The following PIN4 variants were observed in gnomAD, a reference collection of about 807,000 sequenced individuals.
PIN4 encodes peptidyl-prolyl cis-trans isomerase NIMA-interacting 4.
A neutral mutation model predicts 8.3 loss-of-function variants in PIN4; 3 were observed. The ratio of observed to expected loss-of-function variants is 0.36; its 90% CI spans 0.16 to 0.93. PIN4 has a LOEUF of 0.93. PIN4 is among the 40% of genes least tolerant of loss of function. The pLI is 0.44. For synonymous variants in PIN4, 18 were observed against 32.5 expected, an observed-to-expected ratio of 0.55 and a Z score of 1.52; for missense variants, 75 against 100.6, an observed-to-expected ratio of 0.75 and a Z score of 1.09.
chrX:72,181,705 T>G (rs2042672814), upstream of PIN4: 1 of 999,392 alleles, frequency 1.0e-6, no homozygotes, highest in Non-Finnish European at 1.4e-6. Flanking sequence ...GGCATTTGTT[T>G]AGGACATGCC....
At chrX:72,215,812 C>T (rs2147590643) in intron 3 of PIN4, among the ~76,000 whole-genome samples, 1 of 111,033 alleles carries the variant, frequency 9.0e-6, no homozygotes, top group South Asian at 3.9e-4. Context: ...CTGATAACTA[C>T]ATCCCTCCTG....
intron 3 of PIN4, among the ~76,000 whole-genome samples, chrX:72,241,439 G>A (rs1011891415): frequency 1.6e-4 from 18 of 111,867 alleles, no homozygotes; most frequent in African/African-American, 5.8e-4. Flanking sequence ...GCAGAGAGCA[G>A]CCCTCACCAG....
At chrX:72,230,242 A>G (rs773103614) in intron 3 of PIN4, among the ~76,000 whole-genome samples, 30 of 110,913 alleles carry the variant, frequency 2.7e-4, no homozygotes, top group African/African-American at 9.8e-4. Flanking sequence ...ACCTCATCAT[A>G]TCCCACAATT....
intron 3 of PIN4, among the ~76,000 whole-genome samples, chrX:72,252,599 A>AT (rs1368224628): frequency 8.9e-6 from 1 of 112,042 alleles, no homozygotes; most frequent in Non-Finnish European, 1.9e-5. Context: ...CATGTTGGCC[A>AT]GGCTGGTCTC....
At chrX:72,229,235 C>T (rs1837983947) in intron 3 of PIN4, among the ~76,000 whole-genome samples, 1 of 111,270 alleles carries the variant, frequency 9.0e-6, no homozygotes, top group Non-Finnish European at 1.9e-5. Context: ...ACCGTACTAT[C>T]ATTATTAAAC....
chrX:72,252,147 TA>T (rs530501485), intron 3 of PIN4, among the ~76,000 whole-genome samples: 1 of 110,193 alleles, frequency 9.1e-6, no homozygotes, highest in Non-Finnish European at 1.9e-5. Flanking sequence ...TTCTTTTTAA[TA>T]AAAAAAATTT....
At chrX:72,218,909 C>T (rs1446207842) in intron 3 of PIN4, among the ~76,000 whole-genome samples, 3 of 112,685 alleles carry the variant, frequency 2.7e-5, no homozygotes, top group East Asian at 5.5e-4. Context: ...CTAAGTGTTG[C>T]ACCTCCTCGT....
At chrX:72,209,605 C>T (rs1602438342) in intron 3 of PIN4, among the ~76,000 whole-genome samples, 1 of 111,351 alleles carries the variant, frequency 9.0e-6, no homozygotes, top group East Asian at 2.9e-4. Context: ...AAGTTATAAC[C>T]ACCTTCTTTC....
At chrX:72,234,161 A>G (rs1280132483) in intron 3 of PIN4, among the ~76,000 whole-genome samples, 1 of 112,118 alleles carries the variant, frequency 8.9e-6, no homozygotes, top group Non-Finnish European at 1.9e-5. Context: ...TAAGTATTTC[A>G]GCGTGAAATG....
At chrX:72,236,177 G>T (rs1238083226) in intron 3 of PIN4, among the ~76,000 whole-genome samples, 3 of 112,193 alleles carry the variant, frequency 2.7e-5, no homozygotes, top group East Asian at 5.6e-4. Context: ...GATTCTGCTG[G>T]GCATGGTGGC....
intron 3 of PIN4, among the ~76,000 whole-genome samples, chrX:72,240,185 AAAG>A (rs1163602200): frequency 2.7e-5 from 3 of 112,228 alleles, no homozygotes; most frequent in South Asian, 7.3e-4. Context: ...ATTTAAAAAA[AAAG>A]AAGTAGTGCT....
At chrX:72,263,091 G>A (rs1602465244) in exon 4 of PIN4, 2 of 208,747 alleles carry the variant, frequency 9.6e-6, no homozygotes, top group Admixed American at 1.3e-4. Flanking sequence ...GGGATAGAGT[G>A]GTGAACAAGA....
intron 3 of PIN4, among the ~76,000 whole-genome samples, chrX:72,230,614 A>G (rs1186032786): frequency 8.9e-6 from 1 of 112,063 alleles, no homozygotes. Flanking sequence ...AAGTGTTGGC[A>G]AGGATGTGGA....
chrX:72,185,076 G>A (rs2042692883), intron 1 of PIN4, among the ~76,000 whole-genome samples: 2 of 98,327 alleles, frequency 2.0e-5, no homozygotes, highest in African/African-American at 7.3e-5. Flanking sequence ...CCCGGGAGGC[G>A]GAGCTTGCAG....
downstream of PIN4, among the ~76,000 whole-genome samples, chrX:72,199,931 C>T (rs896047574): frequency 7.2e-5 from 8 of 111,678 alleles, no homozygotes; most frequent in Admixed American, 9.5e-5. Flanking sequence ...TTTGGGAGGC[C>T]GAGGTGGGTG....
chrX:72,209,315 T>A (rs2042838927), intron 3 of PIN4, among the ~76,000 whole-genome samples: 1 of 111,941 alleles, frequency 8.9e-6, no homozygotes, highest in Non-Finnish European at 1.9e-5. Flanking sequence ...CCTAGAGCTG[T>A]CCCTCAAGCT....
chrX:72,197,053 C>T (rs959409333), intron 3 of PIN4, 149 bp downstream of exon 3: 11 of 562,576 alleles, frequency 2.0e-5, no homozygotes, highest in African/African-American at 4.7e-5. Flanking sequence ...TTGGTTGTAG[C>T]GATATTTTGG....
chrX:72,257,189 C>T (rs183636140), intron 3 of PIN4, among the ~76,000 whole-genome samples: 189 of 111,496 alleles, frequency 1.7e-3, no homozygotes, highest in African/African-American at 5.9e-3. Flanking sequence ...GGCGTGGTGG[C>T]ATGTGCCTGT....
At chrX:72,190,426 A>G (rs1022207336) in intron 2 of PIN4, among the ~76,000 whole-genome samples, 1 of 111,574 alleles carries the variant, frequency 9.0e-6, no homozygotes, top group African/African-American at 3.3e-5. Flanking sequence ...TTATTGCATT[A>G]CCTTGAAACT....
Sources: gnomAD v4.1 joint callset for allele counts (sites outside exome capture counted in the v4.1 genomes callset) on GRCh38, gnomAD v4.1.1 for gene constraint, MANE v1.5 for transcripts, NCBI Gene and HGNC (gene_info 2026-07-23, HGNC 2026-07-21) for gene names.